The following TBX15 variants were observed in gnomAD, a reference collection of about 807,000 sequenced individuals.
TBX15 encodes the protein T-box transcription factor 15.
TBX15 carries 18 observed loss-of-function variants against 53.9 expected under a neutral mutation model. The ratio of observed to expected loss-of-function variants is 0.33; its 90% CI spans 0.23 to 0.49. TBX15 has a LOEUF of 0.49. Ranked by LOEUF, TBX15 falls within the 20% of genes least tolerant of loss-of-function variation. The pLI is 0.98. For missense variants in TBX15, 692 were observed against 749.5 expected (o/e 0.92, Z 0.90); for synonymous variants, 295 against 278.0 (o/e 1.06, Z -0.61).
chr1:118,921,697 T>C lies in TBX15; in HGVS notation c.861+1739A>G, dbSNP rs1165504601. Among the ~76,000 whole-genome samples, 28 of 152,234 alleles carry C rather than the reference T, an allele frequency of 1.8e-4. 1 individual carries two copies. The highest frequency in any genetic ancestry group is 1.8e-3 in the Admixed American group (28 of 15,278). ...CTTAGAAAGTCTGGGTAATGTTCCA[T>C]TTCCATTACATTCCCTCTATTGTCT... On this transcript the variant is annotated intron_variant, in intron 5 of 7. Transcript: ENST00000369429.
intron 5 of TBX15, among the ~76,000 whole-genome samples, chr1:118,918,424 A>C (rs1162375403): frequency 1.3e-5 from 2 of 152,084 alleles, no homozygotes; most frequent in East Asian, 3.9e-4. Context: ...GCTTCAGAGA[A>C]TCTAGACCAA....
At chr1:118,929,368 T>C (rs1655707153) in intron 2 of TBX15, among the ~76,000 whole-genome samples, 1 of 152,092 alleles carries the variant, frequency 6.6e-6, no homozygotes, top group Non-Finnish European at 1.5e-5. Context: ...ATACTGACAA[T>C]ACTGCATAGC....
intron 1 of TBX15, among the ~76,000 whole-genome samples, chr1:118,969,761 G>C (rs551099807): frequency 8.5e-5 from 13 of 152,330 alleles, no homozygotes; most frequent in Non-Finnish European, 1.5e-4. Context: ...TTCTCAACTA[G>C]AGAAAGATAG....
chr1:118,965,094 C>T (rs578063382), intron 1 of TBX15, among the ~76,000 whole-genome samples: 1 of 152,344 alleles, frequency 6.6e-6, no homozygotes, highest in African/African-American at 2.4e-5. Context: ...TTCTCTCCCT[C>T]ACTAACAAGA....
In TBX15 at chr1:118,885,114, T is replaced by A. The variant is rs759268455; in HGVS notation, c.1427A>T (p.Gln476Leu). 6.2e-7 allele frequency: 1 copy of A among 1,614,100 alleles called. No individual in the cohort carries two copies. Among genetic ancestry groups the A allele is most frequent in the Non-Finnish European group, 8.5e-7 (1 of 1,180,000 alleles). Residue 476 changes from glutamine (Q) to leucine (L), a missense_variant, in exon 8 of 8, where the codon CAG becomes CTG. Physicochemically the swap from Gln to Leu is moderately radical, Grantham distance 113 (BLOSUM62 -2). Transcript: ENST00000369429. ...GGQLGSFPTS[Q>L]FQYVMQAGNA... Reference sequence around the variant, plus strand: ...GCCTGCCTGCATGACATACTGAAACTGGGAAGTGGGAAAGGACCCCAGCTG... The same window carrying A: ...GCCTGCCTGCATGACATACTGAAACAGGGAAGTGGGAAAGGACCCCAGCTG...
chr1:118,883,905 C>A lies in TBX15; in HGVS notation c.*827G>T, dbSNP rs1208841667. 2 of 152,700 alleles carry A rather than the reference C, an allele frequency of 1.3e-5. No homozygotes were observed. The highest frequency in any genetic ancestry group is 2.9e-5 in the Non-Finnish European group (2 of 68,106). 9.5% of individuals were successfully genotyped at this position (152,700 alleles called of 1,614,324 possible). A position where few individuals can be genotyped will look rare whatever the true frequency, so the allele number is the denominator to read the frequency against. On this transcript the variant is annotated 3_prime_UTR_variant, in exon 8 of 8. Coordinates refer to ENST00000369429, the MANE Select transcript of TBX15 (RefSeq NM_001330677.2). ...GTGAATTAAAATTCTCATCATTGCT[C>A]ACACTTTCTCTGTCAGTCTTGCTCT... is the stretch of plus-strand genomic sequence containing the variant.
intron 1 of TBX15, among the ~76,000 whole-genome samples, chr1:118,965,566 C>G (rs1479358587): frequency 6.6e-6 from 1 of 152,158 alleles, no homozygotes; most frequent in Admixed American, 6.6e-5. Flanking sequence ...CTGTACAACT[C>G]TACTCTACTT....
rs17022710 is a variant in TBX15, at chr1:118,899,402, C to A, written c.927-277G>T. Among the ~76,000 whole-genome samples the A allele has an allele frequency of 0.057, 8,727 of 151,890 alleles. 834 individuals are homozygous for A. The highest frequency in any genetic ancestry group is 0.2 in the African/African-American group (8,320 of 41,414). ...CTTTAAATGAGGCTAGGTCTGCAGGCAAAAAAGCATGGTAAGTATTAAAGG... is the reference window on the plus strand; with the variant it reads ...CTTTAAATGAGGCTAGGTCTGCAGGAAAAAAAGCATGGTAAGTATTAAAGG... On this transcript the variant is annotated intron_variant, in intron 6 of 7. Transcript: ENST00000369429.
intron 5 of TBX15, among the ~76,000 whole-genome samples, chr1:118,919,993 TA>T (rs536958684): frequency 5.3e-5 from 8 of 152,292 alleles, no homozygotes; most frequent in African/African-American, 1.7e-4. Context: ...CAGTGGACCA[TA>T]AAAAACTTCT....
rs766914155 is a variant in TBX15, at chr1:118,885,461, C to T, written c.1080G>A (p.Ser360=). The change falls in exon 8 of 8, where the codon TCG becomes TCA. Residue 360 remains serine (S), a synonymous_variant. Transcript: ENST00000369429. ...ATGGAGATAAAAGATGAGAAGAAGC[C>T]GAAGGGGATGGTGTCCCAGTGCTGG... The part of the protein sequence containing the change: ...TTSSTGTPSP[S]ASSHLLSPSC... The T allele has an allele frequency of 1.2e-6, 2 of 1,607,918 alleles. No homozygotes were observed. Among genetic ancestry groups the T allele is most frequent in the East Asian group, 2.2e-5 (1 of 44,582 alleles).
At chr1:118,918,948 G>C (rs1571173703) in intron 5 of TBX15, among the ~76,000 whole-genome samples, 1 of 151,930 alleles carries the variant, frequency 6.6e-6, no homozygotes, top group East Asian at 1.9e-4. Context: ...TCCATAGGGG[G>C]GAAAACAAAA....
chr1:118,974,729 T>C (rs1035264565), intron 1 of TBX15, among the ~76,000 whole-genome samples: 5 of 152,144 alleles, frequency 3.3e-5, no homozygotes, highest in African/African-American at 1.2e-4. Context: ...CTACTCTAAA[T>C]AGAGTTGTTA....
intron 1 of TBX15, among the ~76,000 whole-genome samples, chr1:118,975,224 G>T (rs73009548): frequency 0.014 from 2,107 of 152,314 alleles, 50 homozygotes; most frequent in African/African-American, 0.048. Context: ...ATGTCGGGAA[G>T]GCTGCACGTG....
chr1:118,893,326 G>A (rs1324878665), intron 7 of TBX15, among the ~76,000 whole-genome samples: 22 of 90,538 alleles, frequency 2.4e-4, no homozygotes, highest in African/African-American at 7.9e-4. Context: ...AAGAAAGAAA[G>A]AAGAAAGAAG....
intron 1 of TBX15, among the ~76,000 whole-genome samples, chr1:118,944,900 C>T (rs1365133053): frequency 6.6e-6 from 1 of 152,214 alleles, no homozygotes; most frequent in Non-Finnish European, 1.5e-5. Flanking sequence ...TCGAGCACTC[C>T]TCTTCCCAGG....
chr1:118,987,214 C>G lies in TBX15; in HGVS notation c.205+377G>C, dbSNP rs1034813448. Among the ~76,000 whole-genome samples, 8 of 152,208 alleles carry G rather than the reference C, an allele frequency of 5.3e-5. No individual in the cohort carries two copies. The East Asian group carries it at 9.6e-4, about 18-fold the overall frequency. On this transcript the variant is annotated intron_variant, in intron 1 of 7. Transcript: ENST00000369429. ...TTGGAGAACGCCGCGCCAGTCCTCCCGAGTTCTCAGAAGCGAGTCCTAGAT... is the reference window on the plus strand; with the variant it reads ...TTGGAGAACGCCGCGCCAGTCCTCCGGAGTTCTCAGAAGCGAGTCCTAGAT...
At chr1:118,967,263 C>T (rs187067466) in intron 1 of TBX15, among the ~76,000 whole-genome samples, 2 of 152,260 alleles carry the variant, frequency 1.3e-5, no homozygotes, top group Middle Eastern at 3.4e-3. Flanking sequence ...TTCACCAAAT[C>T]TTTATTTTTT....
intron 1 of TBX15, among the ~76,000 whole-genome samples, chr1:118,937,875 C>T (rs937958446): frequency 1.3e-5 from 2 of 152,142 alleles, no homozygotes; most frequent in Non-Finnish European, 2.9e-5. Flanking sequence ...ACTCTCATGA[C>T]TATCTCAGGG....
upstream of TBX15, among the ~76,000 whole-genome samples, chr1:118,988,499 C>G (rs1657923062): frequency 6.6e-6 from 1 of 152,122 alleles, no homozygotes; most frequent in African/African-American, 2.4e-5. Context: ...GCTCCTGGGC[C>G]GACTTTAACC....
Sources: allele counts gnomAD v4.1 joint callset (sites outside exome capture counted in the v4.1 genomes callset), GRCh38; gene constraint gnomAD v4.1.1; transcripts MANE v1.5; gene names NCBI Gene and HGNC (gene_info 2026-07-23, HGNC 2026-07-21).